ZNF385D: variants seen among roughly 807,000 people sequenced by gnomAD.
ZNF385D encodes the protein zinc finger protein 385D.
Under a neutral mutation model 35.8 loss-of-function variants are expected in ZNF385D, and 15 were observed. The observed-to-expected ratio is 0.42, with a 90% CI of 0.28 to 0.64. The LOEUF (loss-of-function observed/expected upper bound fraction) is 0.64. ZNF385D is among the 30% of genes least tolerant of loss of function. The probability of loss-of-function intolerance (pLI) is 0.23; values close to 1 mark genes in which losing one functional copy is unlikely to be tolerated. For missense variants in ZNF385D, 474 were observed against 494.6 expected (o/e 0.96, Z 0.39); for synonymous variants, 212 against 186.8 (o/e 1.13, Z -1.10).
intron 1 of ZNF385D, among the ~76,000 whole-genome samples, chr3:21,672,574 T>G (rs912644928): frequency 6.6e-6 from 1 of 152,142 alleles, no homozygotes; most frequent in Non-Finnish European, 1.5e-5. Context: ...TCAAAAACAT[T>G]TGCCCATGTC....
chr3:22,320,383 C>A (rs1247898668), intron 2 of ZNF385D, among the ~76,000 whole-genome samples: 1 of 151,976 alleles, frequency 6.6e-6, no homozygotes, highest in Admixed American at 6.6e-5. Flanking sequence ...CATAAAGGAT[C>A]ATTTCCCTAA....
intron 3 of ZNF385D, among the ~76,000 whole-genome samples, chr3:21,551,292 C>CACAA (rs1483465128): frequency 1.3e-5 from 2 of 152,168 alleles, no homozygotes; most frequent in South Asian, 2.1e-4. Context: ...CCAGATGAAG[C>CACAA]ACAAACAGCA....
intron 3 of ZNF385D, among the ~76,000 whole-genome samples, chr3:22,165,947 C>T (rs908715742): frequency 2.6e-5 from 4 of 152,160 alleles, no homozygotes; most frequent in African/African-American, 9.7e-5. Flanking sequence ...TCTTTGAAAA[C>T]AGATGGAGCC....
intron 3 of ZNF385D, among the ~76,000 whole-genome samples, chr3:21,806,482 G>C (rs1363033005): frequency 6.6e-6 from 1 of 152,036 alleles, no homozygotes; most frequent in Admixed American, 6.6e-5. Context: ...TGGGATTACA[G>C]GCGTGAGCCA....
intron 3 of ZNF385D, among the ~76,000 whole-genome samples, chr3:21,992,436 C>A (rs1695205628): frequency 6.6e-6 from 1 of 152,100 alleles, no homozygotes; most frequent in African/African-American, 2.4e-5. Flanking sequence ...AGCAAAATAG[C>A]AGTTTCAAAT....
chr3:21,860,595 G>T (rs573016645), intron 3 of ZNF385D, among the ~76,000 whole-genome samples: 1 of 152,258 alleles, frequency 6.6e-6, no homozygotes, highest in African/African-American at 2.4e-5. Flanking sequence ...TCCTGGGACA[G>T]GAAACAGATC....
At chr3:21,969,404 C>A (rs751106331) in intron 3 of ZNF385D, among the ~76,000 whole-genome samples, 1 of 152,138 alleles carries the variant, frequency 6.6e-6, no homozygotes, top group Non-Finnish European at 1.5e-5. Context: ...CCTCTTTGCT[C>A]GGCACTTTTC....
intron 2 of ZNF385D, among the ~76,000 whole-genome samples, chr3:22,284,561 C>G (rs1701931452): frequency 6.6e-6 from 1 of 151,698 alleles, no homozygotes. Context: ...GTATGGTGGA[C>G]CACAGAGAAG....
chr3:21,638,552 C>G (rs2065513159), intron 2 of ZNF385D, among the ~76,000 whole-genome samples: 1 of 152,086 alleles, frequency 6.6e-6, no homozygotes, highest in Admixed American at 6.6e-5. Context: ...GAACATAAAA[C>G]TCATGGTGCC....
At chr3:21,711,431 T>C (rs1181285981) in intron 1 of ZNF385D, among the ~76,000 whole-genome samples, 1 of 152,226 alleles carries the variant, frequency 6.6e-6, no homozygotes, top group African/African-American at 2.4e-5. Context: ...TTTGTAAAGA[T>C]TGGAGAAATC....
chr3:22,181,723 G>A (rs1695290511), intron 2 of ZNF385D, among the ~76,000 whole-genome samples: 1 of 150,910 alleles, frequency 6.6e-6, no homozygotes. Flanking sequence ...AAAAGAATAT[G>A]GTAAAGGTGA....
intron 2 of ZNF385D, among the ~76,000 whole-genome samples, chr3:22,183,865 A>T (rs955482338): frequency 4.0e-5 from 6 of 150,748 alleles, no homozygotes; most frequent in East Asian, 1.9e-4. Flanking sequence ...TTTTCAACAA[A>T]TTTTTTTTTG....
chr3:21,977,638 T>G (rs1703715021), intron 3 of ZNF385D, among the ~76,000 whole-genome samples: 1 of 151,822 alleles, frequency 6.6e-6, no homozygotes. Context: ...GGGTAACACA[T>G]GAAAACGCCA....
chr3:21,964,443 A>AAAAAAG (rs1702778622), intron 3 of ZNF385D, among the ~76,000 whole-genome samples: 1 of 146,146 alleles, frequency 6.8e-6, no homozygotes, highest in Non-Finnish European at 1.5e-5. Flanking sequence ...GAAAAAAAAA[A>AAAAAAG]AAAGAAAAAG....
At chr3:22,146,401 G>A (rs1704855512) in intron 3 of ZNF385D, among the ~76,000 whole-genome samples, 1 of 152,132 alleles carries the variant, frequency 6.6e-6, no homozygotes, top group Non-Finnish European at 1.5e-5. Flanking sequence ...GGGTTGTATA[G>A]AATGAATTTT....
intron 4 of ZNF385D, among the ~76,000 whole-genome samples, chr3:21,459,967 T>C (rs900577162): frequency 3.9e-5 from 6 of 152,308 alleles, no homozygotes; most frequent in Admixed American, 2.0e-4. Context: ...CTTTATGACC[T>C]AGAGTGCCAC....
chr3:21,954,047 G>A (rs1445886678), intron 3 of ZNF385D, among the ~76,000 whole-genome samples: 1 of 151,892 alleles, frequency 6.6e-6, no homozygotes, highest in Non-Finnish European at 1.5e-5. Context: ...ATTATTTTAA[G>A]GTAAAAAGTC....
chr3:21,769,657 C>T (rs2070989846), intron 3 of ZNF385D, among the ~76,000 whole-genome samples: 1 of 126,096 alleles, frequency 7.9e-6, no homozygotes, highest in Admixed American at 8.4e-5. Flanking sequence ...AATGGCCATA[C>T]TGCCCAAGGT....
At chr3:21,988,347 G>T (rs1188491176) in intron 3 of ZNF385D, among the ~76,000 whole-genome samples, 1 of 120,944 alleles carries the variant, frequency 8.3e-6, no homozygotes, top group African/African-American at 2.9e-5. Context: ...ATGGGTTTTC[G>T]GTGTGGATGT....
Sources: allele counts gnomAD v4.1 joint callset (sites outside exome capture counted in the v4.1 genomes callset), GRCh38; gene constraint gnomAD v4.1.1; transcripts MANE v1.5; gene names NCBI Gene and HGNC (gene_info 2026-07-23, HGNC 2026-07-21).